PTPRT: variants seen among roughly 807,000 people sequenced by gnomAD.
PTPRT encodes protein tyrosine phosphatase receptor type T, also known as receptor-type tyrosine-protein phosphatase T.
Under a neutral mutation model 176.8 loss-of-function variants are expected in PTPRT, and 56 were observed. The ratio of observed to expected loss-of-function variants is 0.32; its 90% CI spans 0.26 to 0.40. The LOEUF is 0.40. Ranked by LOEUF, PTPRT falls within the 10% of genes least tolerant of loss-of-function variation. PTPRT has a pLI of 1.00. For synonymous variants in PTPRT, 783 were observed against 739.0 expected (o/e 1.06, Z -0.96); for missense variants, 1,540 against 1,908.2 (o/e 0.81, Z 3.60).
intron 1 of PTPRT, among the ~76,000 whole-genome samples, chr20:42,952,259 G>A (rs558388215): frequency 2.6e-5 from 4 of 152,192 alleles, no homozygotes; most frequent in Non-Finnish European, 5.9e-5. Context: ...CCCATCCATC[G>A]CAGTTGGCGC....
intron 7 of PTPRT, among the ~76,000 whole-genome samples, chr20:42,534,594 C>T (rs1040713546): frequency 2.0e-5 from 3 of 152,088 alleles, no homozygotes; most frequent in African/African-American, 7.2e-5. Flanking sequence ...CGAGATCACG[C>T]CACTGCACTC....
intron 12 of PTPRT, among the ~76,000 whole-genome samples, chr20:42,311,949 T>C (rs1349397631): frequency 6.6e-6 from 1 of 152,212 alleles, no homozygotes; most frequent in East Asian, 1.9e-4. Context: ...AGATTTTTAT[T>C]TACATTCATC....
Position 42,401,360 on chromosome 20 carries a change from G to T in PTPRT, c.1560+46860C>A, listed in dbSNP as rs189858613. On this transcript the variant is annotated intron_variant, in intron 9 of 30. Coordinates refer to ENST00000373187, the MANE Select transcript of PTPRT (RefSeq NM_007050.6). ...CAATGTTTAACGTAAACCTTGGCAG[G>T]GGTTACGGAGTTAGGTAGTGGAAAA... 3.5e-4 allele frequency among the ~76,000 whole-genome samples: 53 copies of T among 152,004 alleles called. 1 individual carries two copies. In the East Asian group the frequency reaches 9.1e-3, roughly 26 times the overall value.
chr20:42,205,110 C>T (rs1600673563), intron 15 of PTPRT, among the ~76,000 whole-genome samples: 1 of 150,646 alleles, frequency 6.6e-6, no homozygotes, highest in African/African-American at 2.4e-5. Context: ...AGGAGATATA[C>T]CTAATGTTAA....
intron 9 of PTPRT, among the ~76,000 whole-genome samples, chr20:42,432,788 A>G (rs766870456): frequency 6.6e-6 from 1 of 152,204 alleles, no homozygotes; most frequent in Non-Finnish European, 1.5e-5. Flanking sequence ...CACCTATAAC[A>G]TATAAGCCCT....
chr20:42,471,812 C>G (rs183729455), intron 8 of PTPRT, among the ~76,000 whole-genome samples: 1 of 151,964 alleles, frequency 6.6e-6, no homozygotes, highest in African/African-American at 2.4e-5. Context: ...CACGCTGCCA[C>G]GCCTGGTAAT....
chr20:42,069,396 T>C (rs1982224674), downstream of PTPRT, among the ~76,000 whole-genome samples: 1 of 152,216 alleles, frequency 6.6e-6, no homozygotes, highest in African/African-American at 2.4e-5. Context: ...CTTTTGGACA[T>C]TGACTAACTG....
At chr20:42,836,445 A>G (rs972422236) in intron 2 of PTPRT, among the ~76,000 whole-genome samples, 9 of 152,204 alleles carry the variant, frequency 5.9e-5, no homozygotes, top group Admixed American at 1.3e-4. Context: ...GCCCTCCCAG[A>G]TTAGAAGCTG....
At chr20:43,102,260 C>G (rs1390447150) in intron 1 of PTPRT, among the ~76,000 whole-genome samples, 1 of 149,972 alleles carries the variant, frequency 6.7e-6, no homozygotes, top group Non-Finnish European at 1.5e-5. Flanking sequence ...CTCTCTCTCT[C>G]TCTCTGTCTC....
At chr20:42,070,873 T>C (rs1458300701), downstream of PTPRT, among the ~76,000 whole-genome samples, 1 of 151,992 alleles carries the variant, frequency 6.6e-6, no homozygotes, top group East Asian at 1.9e-4. Context: ...CCCCAAATAT[T>C]TTTTTTTAAA....
At chr20:43,080,901 C>A (rs944541865) in intron 1 of PTPRT, among the ~76,000 whole-genome samples, 1 of 152,230 alleles carries the variant, frequency 6.6e-6, no homozygotes, top group Non-Finnish European at 1.5e-5. Flanking sequence ...ACCACGGCAC[C>A]ATTCCATGAG....
intron 6 of PTPRT, among the ~76,000 whole-genome samples, chr20:42,679,784 G>A (rs1436256193): frequency 6.6e-6 from 1 of 151,822 alleles, no homozygotes; most frequent in Admixed American, 6.6e-5. Context: ...AATCCATCAG[G>A]TTATCACACT....
chr20:42,085,972 A>T (rs1466386713), intron 27 of PTPRT, 119 bp from the exon 28 acceptor site: 32 of 1,208,034 alleles, frequency 2.6e-5, no homozygotes, highest in Non-Finnish European at 3.6e-5. Context: ...TTTGAGATGG[A>T]GCATCACTCT....
At chr20:42,196,294 C>G (rs1204134162) in intron 16 of PTPRT, among the ~76,000 whole-genome samples, 1 of 152,168 alleles carries the variant, frequency 6.6e-6, no homozygotes, top group East Asian at 1.9e-4. Context: ...GACAACTTAG[C>G]ATAGCCAGAG....
At chr20:42,122,410 A>G (rs1301446400) in intron 19 of PTPRT, among the ~76,000 whole-genome samples, 2 of 152,160 alleles carry the variant, frequency 1.3e-5, no homozygotes, top group African/African-American at 4.8e-5. Flanking sequence ...CTTTGTGTTA[A>G]TGTAATAACT....
rs919825334 is a variant in PTPRT at position 42,646,748 on chromosome 20, T to C, written c.1153+31118A>G. Among the ~76,000 whole-genome samples, 23 of 151,940 alleles carry C rather than the reference T, an allele frequency of 1.5e-4. 1 individual carries two copies. The highest frequency in any genetic ancestry group is 5.1e-4 in the African/African-American group (21 of 41,402). On this transcript the variant is annotated intron_variant, in intron 7 of 30. Transcript: ENST00000373187. ...CAGCTTCTGGGTAAAACTAAGGGGA[T>C]ACTTAACCTGACCACATTCTGACTC...
intron 7 of PTPRT, among the ~76,000 whole-genome samples, chr20:42,509,964 T>C (rs914270950): frequency 3.3e-5 from 5 of 152,068 alleles, no homozygotes; most frequent in African/African-American, 1.2e-4. Flanking sequence ...AAGTCAGAAA[T>C]TGAGCTCCTC....
chr20:42,203,933 T>C (rs1185900339), intron 15 of PTPRT, among the ~76,000 whole-genome samples: 4 of 152,222 alleles, frequency 2.6e-5, no homozygotes, highest in Non-Finnish European at 5.9e-5. Context: ...CAAGAACTTC[T>C]TGGGAAAGGG....
chr20:42,870,801 G>A (rs208183), intron 2 of PTPRT, among the ~76,000 whole-genome samples: 37,818 of 152,004 alleles, frequency 0.25, 4,742 homozygotes, highest in African/African-American at 0.27. Flanking sequence ...CACAAACAAT[G>A]TACAAAGGTT....
Sources: gnomAD v4.1 joint callset for allele counts (sites outside exome capture counted in the v4.1 genomes callset) on GRCh38, gnomAD v4.1.1 for gene constraint, MANE v1.5 for transcripts, NCBI Gene and HGNC (gene_info 2026-07-23, HGNC 2026-07-21) for gene names.